The following DTD1 variants were observed in gnomAD, a reference collection of about 807,000 sequenced individuals.
The protein encoded by DTD1 is D-aminoacyl-tRNA deacylase 1, also known as D-tyrosyl-tRNA deacylase 1 homolog.
In DTD1, 13 loss-of-function variants were observed where a neutral mutation model predicts 25.6. That is an observed-to-expected ratio of 0.51 (90% confidence interval 0.33 to 0.81). DTD1 has a LOEUF of 0.81. Ranked by LOEUF, DTD1 falls within the 30% of genes least tolerant of loss-of-function variation. DTD1 has a pLI of 0.02. For missense variants in DTD1, 193 were observed against 266.4 expected (o/e 0.72, Z 1.92); for synonymous variants, 110 against 103.6 (o/e 1.06, Z -0.37).
chr20:18,760,605 C>T (rs1458466215), intron 5 of DTD1, among the ~76,000 whole-genome samples: 1 of 152,154 alleles, frequency 6.6e-6, no homozygotes, highest in Non-Finnish European at 1.5e-5. Flanking sequence ...AGTTTTGTCT[C>T]AGAGGAGTAC....
chr20:18,658,189 ATGTGTGTGTGTGTGTGTGTGTGTGTG>A (rs60197503), intron 4 of DTD1, among the ~76,000 whole-genome samples: 1 of 146,140 alleles, frequency 6.8e-6, no homozygotes, highest in African/African-American at 2.6e-5. Flanking sequence ...AGAGTCTGAG[ATGTGTGTGTGTGTGTGTGTGTGTGTG>A]TGTGTGTGTG....
intron 4 of DTD1, among the ~76,000 whole-genome samples, chr20:18,742,533 T>C (rs2061282470): frequency 6.6e-6 from 1 of 152,044 alleles, no homozygotes; most frequent in Non-Finnish European, 1.5e-5. Flanking sequence ...GGGAACCCCA[T>C]TGTGAACTGT....
chr20:18,658,566 A>G (rs1014825918), intron 4 of DTD1, among the ~76,000 whole-genome samples: 1 of 152,180 alleles, frequency 6.6e-6, no homozygotes, highest in Non-Finnish European at 1.5e-5. Context: ...AGATGAAGTC[A>G]TTGTGCTAGC....
At chr20:18,631,567 G>A in intron 4 of DTD1, 1 of 985,362 alleles carries the variant, frequency 1.0e-6, no homozygotes, top group Non-Finnish European at 1.2e-6. Context: ...AGTGTCCTTG[G>A]GTCTGTAAAG....
At position 18,648,903 on chromosome 20, in the gene DTD1, G is replaced by A. The variant is rs1433578251; in HGVS notation, c.477+20670G>A. ...CCCAGCTACTCGGGAGGCTGAGGCGGGAGAATGACGTGAACCCGGGAGGCA... is the reference window on the plus strand; with the variant it reads ...CCCAGCTACTCGGGAGGCTGAGGCGAGAGAATGACGTGAACCCGGGAGGCA... On this transcript the variant is annotated intron_variant, in intron 4 of 5. Transcript: ENST00000377452. Among the ~76,000 whole-genome samples, 4 of 148,238 alleles carry A rather than the reference G, an allele frequency of 2.7e-5. No homozygotes were observed. In the Admixed American group the frequency reaches 2.8e-4, roughly 10 times the overall value.
At chr20:18,612,244 C>T (rs984699396) in intron 3 of DTD1, among the ~76,000 whole-genome samples, 2 of 151,734 alleles carry the variant, frequency 1.3e-5, no homozygotes, top group East Asian at 3.9e-4. Context: ...CCGTTTTAGC[C>T]GGGATGGTCT....
At chr20:18,623,219 G>A (rs1600325892) in intron 3 of DTD1, among the ~76,000 whole-genome samples, 2 of 152,240 alleles carry the variant, frequency 1.3e-5, no homozygotes, top group Non-Finnish European at 2.9e-5. Context: ...GATTACAGGT[G>A]TGAACCACTG....
At chr20:18,627,633 G>A (rs565819351) in intron 3 of DTD1, among the ~76,000 whole-genome samples, 7 of 152,196 alleles carry the variant, frequency 4.6e-5, no homozygotes, top group African/African-American at 7.2e-5. Flanking sequence ...TCCTCCTCCC[G>A]GTCAACCTCC....
At chr20:18,723,999 T>C (rs527905450) in intron 4 of DTD1, among the ~76,000 whole-genome samples, 1 of 152,280 alleles carries the variant, frequency 6.6e-6, no homozygotes, top group South Asian at 2.1e-4. Flanking sequence ...CCACCACATT[T>C]CCAGGCATTG....
At chr20:18,595,846 A>AG (rs1254534708) in intron 2 of DTD1, among the ~76,000 whole-genome samples, 160 bp from the exon 3 acceptor site, 1 of 152,182 alleles carries the variant, frequency 6.6e-6, no homozygotes, top group African/African-American at 2.4e-5. Context: ...ACTGAAGCAC[A>AG]GGGTGGATAA....
rs1299526524 is a variant in DTD1, at chr20:18,642,345, T to A, written c.477+14112T>A. On this transcript the variant is annotated intron_variant, in intron 4 of 5. Transcript: ENST00000377452. ...AGTTTATTTTCATTGTCTCAAGGTC[T>A]GCTGAACTCTGGATCCAGGCTGTGT... Among the ~76,000 whole-genome samples, 4 of 152,238 alleles carry A rather than the reference T, an allele frequency of 2.6e-5. No individual in the cohort carries two copies. In the East Asian group the frequency reaches 7.7e-4, roughly 29 times the overall value.
At chr20:18,753,606 T>C (rs868702362) in intron 5 of DTD1, among the ~76,000 whole-genome samples, 1 of 3,780 alleles carries the variant, frequency 2.6e-4, no homozygotes, top group Non-Finnish European at 8.9e-4. Flanking sequence ...AAACTCTGTC[T>C]CAAAAAAAAA....
intron 4 of DTD1, among the ~76,000 whole-genome samples, chr20:18,635,852 C>T (rs2060805316): frequency 6.6e-6 from 1 of 152,154 alleles, no homozygotes. Context: ...TTTCACCTTA[C>T]CATCTTAAAT....
At chr20:18,712,658 C>G (rs1355639359) in intron 4 of DTD1, among the ~76,000 whole-genome samples, 1 of 152,128 alleles carries the variant, frequency 6.6e-6, no homozygotes, top group African/African-American at 2.4e-5. Context: ...AGCAGTGGGC[C>G]CACTGTGTCT....
intron 4 of DTD1, among the ~76,000 whole-genome samples, chr20:18,743,466 G>A (rs1158399087): frequency 1.3e-5 from 2 of 152,064 alleles, no homozygotes; most frequent in African/African-American, 4.8e-5. Context: ...GGCCGAGGTG[G>A]GTGGGTTGCT....
At chr20:18,597,014 T>C (rs1222123782) in intron 3 of DTD1, among the ~76,000 whole-genome samples, 3 of 152,206 alleles carry the variant, frequency 2.0e-5, no homozygotes, top group Admixed American at 2.0e-4. Context: ...AAATTTATAA[T>C]GACATGTGTC....
chr20:18,753,894 C>T (rs1211100310), intron 5 of DTD1, among the ~76,000 whole-genome samples: 2 of 152,148 alleles, frequency 1.3e-5, no homozygotes, highest in Non-Finnish European at 2.9e-5. Flanking sequence ...TTTGACACTT[C>T]AGTGGAGGGA....
chr20:18,660,197 A>G (rs1003620115), intron 4 of DTD1, among the ~76,000 whole-genome samples: 2 of 151,956 alleles, frequency 1.3e-5, no homozygotes, highest in Admixed American at 1.3e-4. Context: ...CCAGAGCGAG[A>G]CTCCGTCTCA....
At position 18,697,770 on chromosome 20, in the gene DTD1, C is replaced by T. The variant is rs2061084482; in HGVS notation, c.478-46330C>T. On this transcript the variant is annotated intron_variant, in intron 4 of 5. Transcript: ENST00000377452. ...CGCTATCTCGGCTCACTGCAAGCTCCGCCTCTTAGGTTCACGCCATTCTCC... is the reference window on the plus strand; with the variant it reads ...CGCTATCTCGGCTCACTGCAAGCTCTGCCTCTTAGGTTCACGCCATTCTCC... 3.3e-5 allele frequency among the ~76,000 whole-genome samples: 5 copies of T among 152,166 alleles called. No homozygotes were observed. The South Asian group carries it at 8.3e-4, about 25-fold the overall frequency.
Sources: allele counts gnomAD v4.1 joint callset (sites outside exome capture counted in the v4.1 genomes callset), GRCh38; gene constraint gnomAD v4.1.1; transcripts MANE v1.5; gene names NCBI Gene and HGNC (gene_info 2026-07-23, HGNC 2026-07-21).